PIEZO2: variants seen among roughly 807,000 people sequenced by gnomAD.
The protein encoded by PIEZO2 is piezo-type mechanosensitive ion channel component 2.
A neutral mutation model predicts 337.3 loss-of-function variants in PIEZO2; 172 were observed. That is an observed-to-expected ratio of 0.51 (90% CI 0.45 to 0.58). PIEZO2 has a LOEUF of 0.58. Among genes scored for constraint, PIEZO2 ranks in the 20% least tolerant of loss-of-function variants. The probability of loss-of-function intolerance (pLI) is 0.00; values close to 1 mark genes in which losing one functional copy is unlikely to be tolerated. For missense variants in PIEZO2, 3,028 were observed against 3,391.3 expected, an observed-to-expected ratio of 0.89 and a Z score of 2.66; for synonymous variants, 1,251 against 1,228.5, an observed-to-expected ratio of 1.02 and a Z score of -0.38.
chr18:11,122,886 G>C (rs1292316519), intron 1 of PIEZO2, among the ~76,000 whole-genome samples: 2 of 151,022 alleles, frequency 1.3e-5, no homozygotes, highest in African/African-American at 4.9e-5. Context: ...AAGGTTATAT[G>C]TATAATATAT....
In PIEZO2 at chr18:11,028,235, T is replaced by TTTC. The variant is rs543063968; in HGVS notation, c.160+37889_160+37891dup. 6.6e-5 allele frequency among the ~76,000 whole-genome samples: 10 copies of TTTC among 152,056 alleles called. No homozygotes were observed. Among genetic ancestry groups the TTTC allele is most frequent in the African/African-American group, 9.7e-5 (4 of 41,422 alleles). ...CATCGCCTTCTTTCTTTTCTTTTCTTTTCTTCTTCTTCTTCTTTATTTTTT... is the reference window on the plus strand; with the variant it reads ...CATCGCCTTCTTTCTTTTCTTTTCTTTTCTTCTTCTTCTTCTTCTTTATTTTTT... On this transcript the variant is annotated intron_variant, in intron 2 of 55. Transcript: ENST00000674853. This position sits in a 1 kb window ranked among gnomAD's most constrained non-coding sequence, Gnocchi z 4.8.
chr18:11,096,671 T>C lies in PIEZO2; in HGVS notation c.65-30449A>G, dbSNP rs772133051. ...CCCCCACCCAACACACACACGTATC[T>C]ACCTCTTGTCTTTCAAGGAGATATA... On this transcript the variant is annotated intron_variant, in intron 1 of 55. Coordinates refer to ENST00000674853, the MANE Select transcript of PIEZO2 (RefSeq NM_001378183.1). The surrounding 1 kb of genome is among the most constrained non-coding windows in gnomAD (Gnocchi z 4.6). Among the ~76,000 whole-genome samples the C allele has an allele frequency of 2.6e-5, 4 of 152,198 alleles. No homozygotes were observed. The highest frequency in any genetic ancestry group is 4.4e-5 in the Non-Finnish European group (3 of 68,032).
intron 7 of PIEZO2, among the ~76,000 whole-genome samples, chr18:10,829,178 C>A (rs74746902): frequency 0.029 from 4,477 of 152,082 alleles, 143 homozygotes; most frequent in African/African-American, 0.084. Flanking sequence ...TGCTTATTTG[C>A]ATCACACAGA....
At chr18:10,986,595 T>C (rs2034880620) in intron 2 of PIEZO2, among the ~76,000 whole-genome samples, 1 of 151,914 alleles carries the variant, frequency 6.6e-6, no homozygotes, top group African/African-American at 2.4e-5. Flanking sequence ...GAAAACCATA[T>C]ATTATAATAC....
intron 3 of PIEZO2, among the ~76,000 whole-genome samples, chr18:10,934,938 C>T (rs1448882458): frequency 1.3e-5 from 2 of 151,970 alleles, no homozygotes; most frequent in Non-Finnish European, 2.9e-5. Flanking sequence ...ACGTGGCAAC[C>T]GAGGCCACAG....
rs920761536 is a variant in PIEZO2 at position 10,676,671 on chromosome 18, C to G, written c.8081+1076G>C. Among the ~76,000 whole-genome samples, 2 of 152,190 alleles carry G rather than the reference C, an allele frequency of 1.3e-5. No homozygotes were observed. The highest frequency in any genetic ancestry group is 4.8e-5 in the African/African-American group (2 of 41,434). On this transcript the variant is annotated intron_variant, in intron 53 of 55. Transcript: ENST00000674853. This position sits in a 1 kb window ranked among gnomAD's most constrained non-coding sequence, Gnocchi z 5.1. The stretch of plus-strand genomic sequence containing the variant: ...GTCAGATAAGAGCAAGGTTTGTCAT[C>G]TAGAGATGAGATCAATACTTTTTGG...
chr18:11,008,590 AACTGATGTCTCTGG>A, intron 2 of PIEZO2, among the ~76,000 whole-genome samples: 1 of 152,344 alleles, frequency 6.6e-6, no homozygotes, highest in South Asian at 2.1e-4. Context: ...GACCCTGGGT[AACTGATGTCTCTGG>A]ACTTCTAGAC....
chr18:10,718,084 T>TA, intron 37 of PIEZO2, 116 bp downstream of exon 37: 1 of 878,062 alleles, frequency 1.1e-6, no homozygotes. Context: ...TATTTACTCA[T>TA]AGTCCAGAAA....
At chr18:10,927,839 C>T (rs910728219) in intron 3 of PIEZO2, among the ~76,000 whole-genome samples, 1 of 152,096 alleles carries the variant, frequency 6.6e-6, no homozygotes, top group Admixed American at 6.6e-5. Flanking sequence ...ATAACTATAG[C>T]AGGCTCGCTT....
Position 10,673,314 on chromosome 18 carries a change from A to G in PIEZO2, c.8162-441T>C, listed in dbSNP as rs1451870994. ...AAAGGGTTCCAAAATTGCATATAAC[A>G]TTGTTCCTTATCTCCATGGGAAAAG... On this transcript the variant is annotated intron_variant, in intron 54 of 55. Transcript: ENST00000674853. This position sits in a 1 kb window ranked among gnomAD's most constrained non-coding sequence, Gnocchi z 4.8. Among the ~76,000 whole-genome samples, 1 of 152,206 alleles carries G rather than the reference A, an allele frequency of 6.6e-6. No homozygotes were observed. Among genetic ancestry groups the G allele is most frequent in the East Asian group, 1.9e-4 (1 of 5,200 alleles).
chr18:10,829,872 C>T (rs1275725801), intron 7 of PIEZO2, among the ~76,000 whole-genome samples: 1 of 151,502 alleles, frequency 6.6e-6, no homozygotes, highest in Non-Finnish European at 1.5e-5. Context: ...CTACCCAAAG[C>T]AATCTACAGA....
chr18:10,690,056 A>C (rs2034736094), intron 48 of PIEZO2, among the ~76,000 whole-genome samples: 1 of 152,246 alleles, frequency 6.6e-6, no homozygotes, highest in Non-Finnish European at 1.5e-5. Flanking sequence ...CTTTTAAATA[A>C]GTGTGAAGGT....
intron 7 of PIEZO2, among the ~76,000 whole-genome samples, chr18:10,826,519 T>A (rs1482062784): frequency 1.3e-5 from 2 of 152,316 alleles, no homozygotes; most frequent in East Asian, 1.9e-4. Context: ...TGGAAACTAA[T>A]CAAATAAAGC....
At chr18:10,950,581 G>T (rs553985613) in intron 3 of PIEZO2, among the ~76,000 whole-genome samples, 1 of 152,252 alleles carries the variant, frequency 6.6e-6, no homozygotes, top group South Asian at 2.1e-4. Context: ...TGTATATGTG[G>T]CTTTATCTAT....
chr18:11,122,916 A>G (rs1275781343), intron 1 of PIEZO2, among the ~76,000 whole-genome samples: 1 of 150,902 alleles, frequency 6.6e-6, no homozygotes, highest in Non-Finnish European at 1.5e-5. Flanking sequence ...TATAACATAT[A>G]TATCTATGTA....
chr18:10,722,245 T>C (rs1488723465), intron 36 of PIEZO2, among the ~76,000 whole-genome samples: 4 of 151,642 alleles, frequency 2.6e-5, no homozygotes, highest in Admixed American at 1.3e-4. Context: ...TTTTTTTTTT[T>C]CCTGAGGCAA....
At chr18:10,800,270 A>T in intron 11 of PIEZO2, 67 bp downstream of exon 11, 1 of 1,483,056 alleles carries the variant, frequency 6.7e-7, no homozygotes, top group Non-Finnish European at 8.9e-7. Context: ...CAACAACAAC[A>T]AAAAGAGAGA....
At chr18:11,088,624 G>A (rs1244036982) in intron 1 of PIEZO2, among the ~76,000 whole-genome samples, 3 of 152,224 alleles carry the variant, frequency 2.0e-5, no homozygotes, top group Non-Finnish European at 4.4e-5. Flanking sequence ...CCCTTAAATT[G>A]TGGGACTGAA....
intron 2 of PIEZO2, among the ~76,000 whole-genome samples, chr18:11,034,918 G>T (rs2036872380): frequency 6.6e-6 from 1 of 152,196 alleles, no homozygotes; most frequent in African/African-American, 2.4e-5. Context: ...TTTTAAAATT[G>T]TGTATCATGT....
Sources: gnomAD v4.1 joint callset for allele counts (sites outside exome capture counted in the v4.1 genomes callset) on GRCh38, gnomAD v4.1.1 for gene constraint, Gnocchi (gnomAD v3.1) non-coding constraint, MANE v1.5 for transcripts, NCBI Gene and HGNC (gene_info 2026-07-23, HGNC 2026-07-21) for gene names.